Variants in DGKB observed in about 807,000 individuals in gnomAD.
DGKB encodes 90 kDa diacylglycerol kinase.
A neutral mutation model predicts 114.3 loss-of-function variants in DGKB; 67 were observed. That is an observed-to-expected ratio of 0.59 (90% CI 0.48 to 0.72). The LOEUF (loss-of-function observed/expected upper bound fraction) is 0.72. Among genes scored for constraint, DGKB ranks in the 30% least tolerant of loss-of-function variants. The pLI, the probability that DGKB is intolerant of heterozygous loss-of-function variation, is 0.00. For missense variants in DGKB, 907 were observed against 975.2 expected, an observed-to-expected ratio of 0.93 and a Z score of 0.93; for synonymous variants, 398 against 323.1, an observed-to-expected ratio of 1.23 and a Z score of -2.49.
At chr7:14,218,686 T>G (rs1366130056) in intron 23 of DGKB, among the ~76,000 whole-genome samples, 1 of 152,060 alleles carries the variant, frequency 6.6e-6, no homozygotes, top group Admixed American at 6.6e-5. Context: ...AATATTACAT[T>G]ATATCCTTTG....
At chr7:14,259,045 A>G (rs1005540880) in intron 23 of DGKB, among the ~76,000 whole-genome samples, 3 of 152,144 alleles carry the variant, frequency 2.0e-5, no homozygotes, top group African/African-American at 7.2e-5. Context: ...CATTCTATAC[A>G]GTGTAACTTT....
chr7:14,972,944 A>C, intron 1 of DGKB, among the ~76,000 whole-genome samples: 1 of 152,072 alleles, frequency 6.6e-6, no homozygotes, highest in Non-Finnish European at 1.5e-5. Context: ...TTAACGTTAT[A>C]TATGGTCTAG....
chr7:14,770,088 A>T (rs1037489392), intron 2 of DGKB, among the ~76,000 whole-genome samples: 3 of 152,048 alleles, frequency 2.0e-5, no homozygotes, highest in African/African-American at 7.2e-5. Context: ...GTTCAAACAA[A>T]CCTTCTCTGA....
chr7:14,492,529 A>T (rs1162014556), intron 20 of DGKB, among the ~76,000 whole-genome samples: 1 of 152,086 alleles, frequency 6.6e-6, no homozygotes, highest in Non-Finnish European at 1.5e-5. Context: ...AGAAAATACA[A>T]TTGACACATT....
chr7:14,436,234 A>G (rs556209079), intron 21 of DGKB, among the ~76,000 whole-genome samples: 15 of 152,302 alleles, frequency 9.8e-5, no homozygotes, highest in African/African-American at 3.6e-4. Context: ...ATACTACAGT[A>G]AAAGAAAATA....
intron 23 of DGKB, among the ~76,000 whole-genome samples, chr7:14,224,000 T>C (rs1790398340): frequency 6.6e-6 from 1 of 151,832 alleles, no homozygotes; most frequent in African/African-American, 2.4e-5. Flanking sequence ...TTTTACTATG[T>C]GTGTATGTGT....
intron 5 of DGKB, among the ~76,000 whole-genome samples, chr7:14,719,929 A>G (rs1828859682): frequency 6.6e-6 from 1 of 152,160 alleles, no homozygotes; most frequent in Non-Finnish European, 1.5e-5. Context: ...TCCCCACTTT[A>G]CAGATTAGGG....
chr7:14,846,869 A>G (rs897685867), intron 1 of DGKB, among the ~76,000 whole-genome samples: 5 of 152,252 alleles, frequency 3.3e-5, no homozygotes, highest in Non-Finnish European at 7.3e-5. Flanking sequence ...CCATTCGGCA[A>G]TATCTAGATG....
intron 1 of DGKB, among the ~76,000 whole-genome samples, chr7:14,961,558 G>T (rs1786844639): frequency 6.6e-6 from 1 of 152,128 alleles, no homozygotes; most frequent in South Asian, 2.1e-4. Flanking sequence ...GGGAGCAACA[G>T]CTTCCACCTA....
chr7:14,265,318 C>T lies in DGKB; in HGVS notation c.2122+73197G>A, dbSNP rs75731102. ...GGACTGCTGTCTTTTCTCTTGCATT[C>T]TTTTTTTTTTTTTTTTTTTTGCTTA... On this transcript the variant is annotated intron_variant, in intron 23 of 25. Transcript: ENST00000402815. Among the ~76,000 whole-genome samples the T allele has an allele frequency of 5.9e-3, 402 of 67,652 alleles. 6 individuals are homozygous for T. The highest frequency in any genetic ancestry group is 0.017 in the African/African-American group (249 of 14,666). The allele number at this position is 67,652 out of a possible 152,430, so 44.4% of individuals were successfully genotyped here.
chr7:14,904,614 G>T (rs1354684242), upstream of DGKB, among the ~76,000 whole-genome samples: 1 of 152,106 alleles, frequency 6.6e-6, no homozygotes, highest in Non-Finnish European at 1.5e-5. Context: ...GCCAAAGCCA[G>T]CCTAACTTCA....
At chr7:14,267,006 T>C (rs1009459912) in intron 23 of DGKB, among the ~76,000 whole-genome samples, 13 of 97,968 alleles carry the variant, frequency 1.3e-4, no homozygotes, top group African/African-American at 8.7e-4. Context: ...ATGAACAAGT[T>C]GGTTTCCCCC....
intron 1 of DGKB, among the ~76,000 whole-genome samples, chr7:14,931,118 T>C (rs1784994084): frequency 6.6e-6 from 1 of 151,352 alleles, no homozygotes; most frequent in African/African-American, 2.4e-5. Context: ...TAGTATTTTT[T>C]TTTTTTTTTT....
At chr7:14,713,081 G>T (rs1235433047) in intron 6 of DGKB, among the ~76,000 whole-genome samples, 1 of 151,966 alleles carries the variant, frequency 6.6e-6, no homozygotes. Context: ...TTATGCTCAT[G>T]TCATTTCACT....
At chr7:14,644,844 G>C (rs532997866) in intron 13 of DGKB, among the ~76,000 whole-genome samples, 7 of 152,072 alleles carry the variant, frequency 4.6e-5, no homozygotes, top group African/African-American at 1.7e-4. Context: ...CCAGATACAG[G>C]ACACTCAATA....
At chr7:14,548,299 C>A (rs574871499) in intron 20 of DGKB, among the ~76,000 whole-genome samples, 1 of 152,124 alleles carries the variant, frequency 6.6e-6, no homozygotes, top group Non-Finnish European at 1.5e-5. Flanking sequence ...GGAAAATAGA[C>A]CAACAGGTGC....
At chr7:14,496,587 C>T (rs938412878) in intron 20 of DGKB, among the ~76,000 whole-genome samples, 1 of 151,640 alleles carries the variant, frequency 6.6e-6, no homozygotes, top group African/African-American at 2.4e-5. Flanking sequence ...TCTGAAAAGA[C>T]AAAAATTAAA....
At chr7:14,783,777 G>A (rs148330124) in intron 2 of DGKB, among the ~76,000 whole-genome samples, 80 of 152,320 alleles carry the variant, frequency 5.3e-4, no homozygotes, top group African/African-American at 1.7e-3. Flanking sequence ...ATTTTCAGAT[G>A]AGAGAACAGG....
chr7:14,401,659 C>G (rs12673303), intron 21 of DGKB, among the ~76,000 whole-genome samples: 13,975 of 151,778 alleles, frequency 0.092, 1,152 homozygotes, highest in East Asian at 0.46. Flanking sequence ...TTCATTAACT[C>G]TAAACATAAT....
Sources: gnomAD v4.1 joint callset for allele counts (sites outside exome capture counted in the v4.1 genomes callset) on GRCh38, gnomAD v4.1.1 for gene constraint, MANE v1.5 for transcripts, NCBI Gene and HGNC (gene_info 2026-07-23, HGNC 2026-07-21) for gene names.